Variants in PANK1 observed in about 807,000 individuals in gnomAD.
PANK1 encodes the protein pantothenate kinase 1, also known as pantothenic acid kinase 1.
Under a neutral mutation model 40.1 loss-of-function variants are expected in PANK1, and 18 were observed. The ratio of observed to expected loss-of-function variants is 0.45; its 90% CI spans 0.31 to 0.67. PANK1 has a LOEUF of 0.67. Among genes scored for constraint, PANK1 ranks in the 30% least tolerant of loss-of-function variants. PANK1 has a pLI of 0.06. For missense variants in PANK1, 457 were observed against 599.6 expected, an observed-to-expected ratio of 0.76 and a Z score of 2.48; for synonymous variants, 242 against 237.7, an observed-to-expected ratio of 1.02 and a Z score of -0.17.
rs1216160652 is a variant in PANK1 at position 89,644,750 on chromosome 10, G to A, written c.142C>T (p.Arg48Trp). The change falls in exon 1 of 7, where the codon CGG (arginine) becomes TGG (tryptophan). Residue 48 changes from arginine (R) to tryptophan (W), a missense_variant. Coordinates refer to ENST00000307534, the MANE Select transcript of PANK1 (RefSeq NM_148977.3). Reference sequence around the variant, plus strand: ...GCGTCGCTGCCGCCCACTGGACCCCGGCTGCAGACGTGCGGCGGCTGGACT... The same window carrying A: ...GCGTCGCTGCCGCCCACTGGACCCCAGCTGCAGACGTGCGGCGGCTGGACT... ...PPVQPPHVCS[R>W]GPVGGSDAAP... is the part of the protein sequence containing the mutation. The A allele has an allele frequency of 3.3e-6, 5 of 1,518,154 alleles. No individual in the cohort carries two copies. Among genetic ancestry groups the A allele is most frequent in the South Asian group, 2.4e-5 (2 of 82,482 alleles). 94.0% of individuals were successfully genotyped at this position (1,518,154 alleles called of 1,614,324 possible). A position where few individuals can be genotyped will look rare whatever the true frequency, so the allele number is the denominator to read the frequency against.
At chr10:89,594,487 G>A (rs1466050654) in intron 3 of PANK1, among the ~76,000 whole-genome samples, 3 of 152,210 alleles carry the variant, frequency 2.0e-5, no homozygotes, top group African/African-American at 7.2e-5. Flanking sequence ...ACTGACCCAG[G>A]ATTGTGCCAG....
chr10:89,636,911 C>T (rs906096908), intron 1 of PANK1, among the ~76,000 whole-genome samples: 7 of 148,342 alleles, frequency 4.7e-5, no homozygotes, highest in Admixed American at 4.7e-4. Flanking sequence ...GCCCAGGCTA[C>T]AGTGCAGTGG....
At chr10:89,638,993 A>G (rs997433680) in intron 1 of PANK1, among the ~76,000 whole-genome samples, 1 of 152,188 alleles carries the variant, frequency 6.6e-6, no homozygotes, top group Non-Finnish European at 1.5e-5. Context: ...TCTACCTGTT[A>G]CCCAGTTCCA....
intron 2 of PANK1, among the ~76,000 whole-genome samples, chr10:89,608,786 A>T (rs566974813): frequency 6.6e-6 from 1 of 152,348 alleles, no homozygotes; most frequent in African/African-American, 2.4e-5. Flanking sequence ...AAATTGTTTT[A>T]ATACGTACAG....
At chr10:89,593,170 C>G (rs772028348) in intron 5 of PANK1, 27 bp downstream of exon 5, 35 of 1,610,616 alleles carry the variant, frequency 2.2e-5, no homozygotes, top group Non-Finnish European at 2.5e-5. Flanking sequence ...TGACACACAG[C>G]TTTCACCGGG....
Position 89,644,745 on chromosome 10 carries a change from A to G in PANK1, c.147T>C (p.Gly49=). 6.6e-7 allele frequency: 1 copy of G among 1,521,460 alleles called. No homozygotes were observed. The highest frequency in any genetic ancestry group is 8.8e-7 in the Non-Finnish European group (1 of 1,140,786). The allele number at this position is 1,521,460 out of a possible 1,614,324, so 94.2% of individuals were successfully genotyped here. A position where few individuals can be genotyped will look rare whatever the true frequency, so the allele number is the denominator to read the frequency against. Residue 49 remains glycine (G), a synonymous_variant, in exon 1 of 7, where the codon GGT becomes GGC. Coordinates refer to ENST00000307534, the MANE Select transcript of PANK1 (RefSeq NM_148977.3). ...GCGCCGCGTCGCTGCCGCCCACTGG[A>G]CCCCGGCTGCAGACGTGCGGCGGCT... ...PVQPPHVCSR[G]PVGGSDAAPQ... is the part of the protein sequence containing the mutation.
rs904162579 is a variant in PANK1, at chr10:89,643,862, G to C, written c.292+738C>G. 16 of 1,474,504 alleles carry C rather than the reference G, an allele frequency of 1.1e-5. No homozygotes were observed. The African/African-American group carries it at 1.6e-4, about 14-fold the overall frequency. 91.3% of individuals were successfully genotyped at this position (1,474,504 alleles called of 1,614,324 possible). A position where few individuals can be genotyped will look rare whatever the true frequency, so the allele number is the denominator to read the frequency against. On this transcript the variant is annotated intron_variant, in intron 1 of 6. Transcript: ENST00000307534. ...TTACAAACTACCATTATATATACAAGCTTTAGATTGTGAAATAATGCACTT... is the reference window on the plus strand; with the variant it reads ...TTACAAACTACCATTATATATACAACCTTTAGATTGTGAAATAATGCACTT...
intron 6 of PANK1, among the ~76,000 whole-genome samples, chr10:89,587,906 T>C (rs1397102180): frequency 6.6e-6 from 1 of 152,206 alleles, no homozygotes; most frequent in East Asian, 1.9e-4. Flanking sequence ...AATTAACATG[T>C]ATATAACTTC....
chr10:89,600,869 A>T (rs904587988), intron 2 of PANK1, among the ~76,000 whole-genome samples: 19 of 152,332 alleles, frequency 1.2e-4, no homozygotes, highest in Admixed American at 7.2e-4. Flanking sequence ...ATAAATTTTT[A>T]AAAAATCTCT....
intron 1 of PANK1, among the ~76,000 whole-genome samples, chr10:89,617,771 T>G (rs1049001041): frequency 6.6e-6 from 1 of 152,140 alleles, no homozygotes; most frequent in Non-Finnish European, 1.5e-5. Context: ...AATAAGCAAA[T>G]ACAAGTATGC....
downstream of PANK1, chr10:89,580,914 A>T (rs7077162): frequency 0.61 from 93,253 of 152,102 alleles, 29,116 homozygotes; most frequent in East Asian, 0.93. Flanking sequence ...AGGCTGTCTT[A>T]GACCACCCTG....
chr10:89,599,626 A>T, intron 2 of PANK1, 121 bp from the exon 3 acceptor site: 1 of 962,740 alleles, frequency 1.0e-6, no homozygotes, highest in Non-Finnish European at 1.5e-6. Context: ...CACCCTTAAA[A>T]CAAGTTGTAA....
intron 1 of PANK1, among the ~76,000 whole-genome samples, chr10:89,612,387 A>C (rs1345001014): frequency 6.6e-6 from 1 of 152,188 alleles, no homozygotes; most frequent in East Asian, 1.9e-4. Context: ...CTAATATTTA[A>C]AGATAGATAT....
chr10:89,611,472 T>A (rs1449202132), intron 2 of PANK1, among the ~76,000 whole-genome samples: 4 of 152,248 alleles, frequency 2.6e-5, no homozygotes, highest in Admixed American at 1.3e-4. Flanking sequence ...ATTGAGCACT[T>A]ACTAAGTGCC....
chr10:89,642,543 CA>C (rs1841998765), intron 1 of PANK1, among the ~76,000 whole-genome samples: 1 of 152,204 alleles, frequency 6.6e-6, no homozygotes, highest in Admixed American at 6.5e-5. Flanking sequence ...CAGTCATCAG[CA>C]AATAGGAATA....
chr10:89,619,002 C>T lies in PANK1; in HGVS notation c.293-6954G>A, dbSNP rs762502023. 2.0e-4 allele frequency among the ~76,000 whole-genome samples: 31 copies of T among 152,258 alleles called. 1 individual carries two copies. The highest frequency in any genetic ancestry group is 4.8e-4 in the African/African-American group (20 of 41,546). ...TATACCCCTAAATCAAAATCCTTCG[C>T]GGTTTTTAAAGCTGGAAAAATTCCC... is the stretch of plus-strand genomic sequence containing the variant. On this transcript the variant is annotated intron_variant, in intron 1 of 6. Transcript: ENST00000307534.
chr10:89,618,783 TTC>T (rs1845394396), intron 1 of PANK1, among the ~76,000 whole-genome samples: 1 of 152,238 alleles, frequency 6.6e-6, no homozygotes, highest in African/African-American at 2.4e-5. Context: ...TCCAGATTCT[TTC>T]TGTTACCTTA....
At chr10:89,610,326 T>C (rs1409378817) in intron 2 of PANK1, among the ~76,000 whole-genome samples, 1 of 152,158 alleles carries the variant, frequency 6.6e-6, no homozygotes, top group Non-Finnish European at 1.5e-5. Flanking sequence ...AACTTAGTTC[T>C]CAAGCCCATG....
At chr10:89,604,844 A>G (rs898903835) in intron 2 of PANK1, among the ~76,000 whole-genome samples, 3 of 151,900 alleles carry the variant, frequency 2.0e-5, no homozygotes, top group Non-Finnish European at 4.4e-5. Context: ...TCCGTCTCCC[A>G]GGTTCATGCC....
Sources: allele counts gnomAD v4.1 joint callset (sites outside exome capture counted in the v4.1 genomes callset), GRCh38; gene constraint gnomAD v4.1.1; transcripts MANE v1.5; gene names NCBI Gene and HGNC (gene_info 2026-07-23, HGNC 2026-07-21).